Variants in SNUPN observed in about 807,000 individuals in gnomAD.
The protein encoded by SNUPN is snurportin 1.
A neutral mutation model predicts 39.2 loss-of-function variants in SNUPN; 31 were observed. That is an observed-to-expected ratio of 0.79 (90% CI 0.59 to 1.07). SNUPN has a LOEUF of 1.07. Ranked by LOEUF, SNUPN falls within the 50% of genes least tolerant of loss-of-function variation. The pLI is 0.00. For synonymous variants in SNUPN, 132 were observed against 159.0 expected (o/e 0.83, Z 1.28); for missense variants, 382 against 434.2 (o/e 0.88, Z 1.07).
At chr15:75,601,103 T>C in intron 8 of SNUPN, 35 bp downstream of exon 8, 1 of 1,400,910 alleles carries the variant, frequency 7.1e-7, no homozygotes, top group Non-Finnish European at 1.0e-6. Context: ...CAGCCTATCA[T>C]CATGTCAAGG....
At chr15:75,608,267 C>CA (rs973161364) in intron 5 of SNUPN, among the ~76,000 whole-genome samples, 1 of 152,098 alleles carries the variant, frequency 6.6e-6, no homozygotes, top group Non-Finnish European at 1.5e-5. Flanking sequence ...CCTGTAGTCT[C>CA]AGTTACTCAG....
intron 2 of SNUPN, among the ~76,000 whole-genome samples, chr15:75,618,882 T>C (rs1235923668): frequency 6.6e-6 from 1 of 151,948 alleles, no homozygotes; most frequent in East Asian, 1.9e-4. Context: ...TTGATGGCAT[T>C]ATGAAGTATC....
intron 8 of SNUPN, among the ~76,000 whole-genome samples, chr15:75,600,273 GT>G (rs1486700987): frequency 1.3e-5 from 2 of 149,952 alleles, no homozygotes; most frequent in Non-Finnish European, 3.0e-5. Context: ...TGTGAGGTTT[GT>G]TTTTTGTTTT....
chr15:75,616,312 G>A (rs1892932664), intron 3 of SNUPN, among the ~76,000 whole-genome samples: 1 of 151,830 alleles, frequency 6.6e-6, no homozygotes, highest in African/African-American at 2.4e-5. Context: ...CAAAAACTTA[G>A]CCGGGTGTGG....
At chr15:75,612,971 T>C (rs1385454249) in intron 3 of SNUPN, among the ~76,000 whole-genome samples, 1 of 151,690 alleles carries the variant, frequency 6.6e-6, no homozygotes, top group Non-Finnish European at 1.5e-5. Flanking sequence ...CTAGAATATA[T>C]TAAAAACTCT....
chr15:75,615,406 C>T (rs1892896991), intron 3 of SNUPN, among the ~76,000 whole-genome samples: 1 of 152,098 alleles, frequency 6.6e-6, no homozygotes, highest in Admixed American at 6.6e-5. Context: ...CTCCCGGGCA[C>T]ACCATATACT....
At position 75,607,592 on chromosome 15, in the gene SNUPN, C is replaced by A. The variant is rs376207058; in HGVS notation, c.503-279G>T. On this transcript the variant is annotated intron_variant, in intron 5 of 8. Transcript: ENST00000308588. ...AGTTTTAGATAAACTGGCACATTTA[C>A]TCACCTCAACGAGGTTTAAAAGCAA... Among the ~76,000 whole-genome samples, 16 of 152,336 alleles carry A rather than the reference C, an allele frequency of 1.1e-4. No homozygotes were observed. The East Asian group carries it at 2.9e-3, about 28-fold the overall frequency.
intron 3 of SNUPN, 133 bp downstream of exon 3, chr15:75,617,275 T>A: frequency 1.1e-6 from 1 of 891,516 alleles, no homozygotes; most frequent in Non-Finnish European, 1.7e-6. Context: ...TACACTGGCA[T>A]GTTCTTTGCA....
chr15:75,605,373 C>G (rs2075323284), intron 6 of SNUPN, 146 bp from the exon 7 acceptor site: 1 of 485,262 alleles, frequency 2.1e-6, no homozygotes, highest in Non-Finnish European at 3.6e-6. Flanking sequence ...ATGGTACAGT[C>G]TCGGCTCACT....
chr15:75,610,388 G>A (rs1218978577), intron 3 of SNUPN, among the ~76,000 whole-genome samples: 1 of 142,066 alleles, frequency 7.0e-6, no homozygotes, highest in Non-Finnish European at 1.5e-5. Context: ...CACCAAGAGC[G>A]AAACTCTGTC....
chr15:75,605,971 G>A (rs562536738), intron 6 of SNUPN, among the ~76,000 whole-genome samples: 3 of 152,064 alleles, frequency 2.0e-5, no homozygotes, highest in South Asian at 2.1e-4. Context: ...ATGGTGAAAC[G>A]CCGTCTCTAC....
At chr15:75,613,091 A>G (rs550632541) in intron 3 of SNUPN, among the ~76,000 whole-genome samples, 134 of 152,154 alleles carry the variant, frequency 8.8e-4, no homozygotes, top group African/African-American at 3.1e-3. Flanking sequence ...CCTCGTCTCT[A>G]CTGAAAATAC....
intron 3 of SNUPN, among the ~76,000 whole-genome samples, chr15:75,610,374 T>C (rs1449411365): frequency 7.1e-6 from 1 of 141,228 alleles, no homozygotes; most frequent in East Asian, 2.1e-4. Context: ...CACTCCAGCC[T>C]GGGCACCAAG....
intron 6 of SNUPN, among the ~76,000 whole-genome samples, chr15:75,605,788 G>A (rs1291501199): frequency 6.6e-6 from 1 of 152,198 alleles, no homozygotes; most frequent in Non-Finnish European, 1.5e-5. Flanking sequence ...GTTCTGAGTT[G>A]TAGGCTTGGT....
intron 5 of SNUPN, among the ~76,000 whole-genome samples, chr15:75,608,678 A>G (rs953251182): frequency 6.6e-6 from 1 of 152,184 alleles, no homozygotes; most frequent in African/African-American, 2.4e-5. Context: ...CCAAATCTGT[A>G]TCTGTTGTCC....
intron 7 of SNUPN, among the ~76,000 whole-genome samples, chr15:75,602,238 C>T (rs373320243): frequency 6.6e-6 from 1 of 151,790 alleles, no homozygotes; most frequent in Non-Finnish European, 1.5e-5. Context: ...AAATAAATTA[C>T]TGATGCTGGC....
In SNUPN at chr15:75,622,045, AC is replaced by A. The variant is rs1242098850; in HGVS notation, c.-5-990del. On this transcript the variant is annotated intron_variant, in intron 1 of 8. Coordinates refer to ENST00000308588, the MANE Select transcript of SNUPN (RefSeq NM_005701.4). ...AGCAAGACTTCATCTCAAAAAACAA[AC>A]AAACAAACAAACAAAAAAACAAACT... Among the ~76,000 whole-genome samples the A allele has an allele frequency of 7.8e-3, 1,153 of 147,680 alleles. 16 individuals are homozygous for A. Among genetic ancestry groups the A allele is most frequent in the African/African-American group, 0.026 (1,052 of 40,128 alleles).
intron 7 of SNUPN, among the ~76,000 whole-genome samples, chr15:75,602,063 A>G (rs1441120162): frequency 2.0e-5 from 3 of 152,062 alleles, no homozygotes; most frequent in South Asian, 2.1e-4. Context: ...TTTATCCACA[A>G]GAATCATCTA....
intron 3 of SNUPN, among the ~76,000 whole-genome samples, chr15:75,616,146 GTT>G (rs59630734): frequency 6.8e-6 from 1 of 147,320 alleles, no homozygotes; most frequent in African/African-American, 2.5e-5. Flanking sequence ...ATTCTATTGT[GTT>G]TTTTTTTTTC....
Sources: gnomAD v4.1 joint callset for allele counts (sites outside exome capture counted in the v4.1 genomes callset) on GRCh38, gnomAD v4.1.1 for gene constraint, MANE v1.5 for transcripts, NCBI Gene and HGNC (gene_info 2026-07-23, HGNC 2026-07-21) for gene names.